The following CLCN6 variants were observed in gnomAD, a reference collection of about 807,000 sequenced individuals.
The protein encoded by CLCN6 is Cl-/H+ antiporter 6.
Under a neutral mutation model 109.8 loss-of-function variants are expected in CLCN6, and 70 were observed. The observed-to-expected ratio is 0.64, with a 90% CI of 0.53 to 0.78. The LOEUF is 0.78. Among genes scored for constraint, CLCN6 ranks in the 30% least tolerant of loss-of-function variants. CLCN6 has a pLI of 0.00. For synonymous variants in CLCN6, 444 were observed against 447.8 expected (o/e 0.99, Z 0.11); for missense variants, 984 against 1,142.3 (o/e 0.86, Z 2.00).
chr1:11,837,880 C>T lies in CLCN6; in HGVS notation c.2295+381C>T, dbSNP rs115312732. ...GTATCTTCTCTCCTTTCCCTAAGGA[C>T]GCTTGTCACCGGATTTGGGGCCCGC... On this transcript the variant is annotated intron_variant, in intron 20 of 22. Transcript: ENST00000346436. 4.2e-3 allele frequency among the ~76,000 whole-genome samples: 633 copies of T among 152,214 alleles called. 5 individuals carry two copies. The highest frequency in any genetic ancestry group is 0.014 in the African/African-American group (596 of 41,530).
rs1048332033 is a variant in CLCN6, at chr1:11,840,287, C to T, written c.*64C>T. 18 of 1,414,594 alleles carry T rather than the reference C, an allele frequency of 1.3e-5. No individual in the cohort carries two copies. Among genetic ancestry groups the T allele is most frequent in the Admixed American group, 8.4e-5 (5 of 59,774 alleles). 87.6% of individuals were successfully genotyped at this position (1,414,594 alleles called of 1,614,324 possible). A position where few individuals can be genotyped will look rare whatever the true frequency, so the allele number is the denominator to read the frequency against. ...CAAATCATGCTCACTCCGGCGGGCACAGCTGGCTGGGGCTGTTCCGGGGCA... is the reference window on the plus strand; with the variant it reads ...CAAATCATGCTCACTCCGGCGGGCATAGCTGGCTGGGGCTGTTCCGGGGCA... On this transcript the variant is annotated 3_prime_UTR_variant, in exon 23 of 23. Coordinates refer to ENST00000346436, the MANE Select transcript of CLCN6 (RefSeq NM_001286.5).
intron 5 of CLCN6, among the ~76,000 whole-genome samples, chr1:11,821,432 C>T (rs912878921): frequency 4.6e-5 from 7 of 152,052 alleles, no homozygotes. Flanking sequence ...TGGTGTGCAC[C>T]TTTAGTCCAG....
At chr1:11,809,649 G>A (rs1342713426) in intron 2 of CLCN6, among the ~76,000 whole-genome samples, 1 of 151,936 alleles carries the variant, frequency 6.6e-6, no homozygotes, top group Non-Finnish European at 1.5e-5. Context: ...GTAGAGATGG[G>A]GTTTCACCAT....
chr1:11,836,192 C>A, intron 18 of CLCN6, 39 bp downstream of exon 18: 1 of 1,577,504 alleles, frequency 6.3e-7, no homozygotes, highest in Non-Finnish European at 8.6e-7. Flanking sequence ...AGGTGAGAGA[C>A]AAGCGGTCCC....
chr1:11,833,547 AT>A lies in CLCN6; in HGVS notation c.1288del (p.Cys430ValfsTer73). On this transcript the variant is annotated frameshift_variant, in exon 14 of 23. Coordinates refer to ENST00000346436, the MANE Select transcript of CLCN6 (RefSeq NM_001286.5). LOFTEE classifies it high-confidence loss of function. ...TEDVNSSIKT[F>X]FCPNDTYNDM... ...AAGATGTGAATTCAAGTATCAAGAC[AT>A]TTTTTTGTCCCAATGATACCTACAA... 2 of 1,613,872 alleles carry A rather than the reference AT, an allele frequency of 1.2e-6. No individual in the cohort carries two copies. The highest frequency in any genetic ancestry group is 1.7e-6 in the Non-Finnish European group (2 of 1,179,898).
chr1:11,831,849 T>C (rs190028412), intron 13 of CLCN6, among the ~76,000 whole-genome samples: 1 of 152,238 alleles, frequency 6.6e-6, no homozygotes, highest in East Asian at 1.9e-4. Context: ...ACATCCAGCT[T>C]ATTTTTATAG....
chr1:11,834,417 C>A lies in CLCN6; in HGVS notation c.1686+22C>A, dbSNP rs200484706. The A allele has an allele frequency of 9.9e-6, 16 of 1,612,942 alleles. No individual in the cohort carries two copies. The East Asian group carries it at 3.3e-4, about 34-fold the overall frequency. On this transcript the variant is annotated intron_variant, in intron 16 of 22. Transcript: ENST00000346436. The surrounding 1 kb of genome is among the most constrained non-coding windows in gnomAD (Gnocchi z 4.5). ...GATGGTGAGCACACTCCCTCCAGGC[C>A]CCTGTCAGGCTCAGGGCCACGTCCG...
intron 5 of CLCN6, among the ~76,000 whole-genome samples, chr1:11,821,904 C>A (rs7552534): frequency 6.6e-6 from 1 of 151,960 alleles, no homozygotes; most frequent in Non-Finnish European, 1.5e-5. Context: ...TGAAAGTGAA[C>A]GAACCACAGA....
chr1:11,837,447 C>A lies in CLCN6; in HGVS notation c.2243C>A (p.Ser748Ter). 1.9e-6 allele frequency: 3 copies of A among 1,614,100 alleles called. No homozygotes were observed. The highest frequency in any genetic ancestry group is 2.5e-6 in the Non-Finnish European group (3 of 1,180,000). Residue 748 changes from serine to a stop codon, truncating the protein, a stop_gained, in exon 20 of 23, where the codon TCG becomes TAG. Transcript: ENST00000346436. LOFTEE classifies it high-confidence loss of function. ...ACCTTCCACGGCCTGATCCTTCGGT[C>A]GCAGCTTGTCACCCTGCTTGTCCGA... ...PLTFHGLILR[S>*]QLVTLLVRGV... is the part of the protein sequence containing the mutation.
chr1:11,808,777 A>G (rs1237705135), intron 2 of CLCN6, among the ~76,000 whole-genome samples: 2 of 151,600 alleles, frequency 1.3e-5, no homozygotes, highest in African/African-American at 2.4e-5. Flanking sequence ...TGTATAGTTT[A>G]ATATGCTACT....
At chr1:11,837,295 C>T (rs767770675) in intron 19 of CLCN6, 48 bp from the exon 20 acceptor site, 15 of 1,592,366 alleles carry the variant, frequency 9.4e-6, no homozygotes, top group South Asian at 4.5e-5. Flanking sequence ...GGATCAGAAG[C>T]GCTCCCGCTG....
chr1:11,818,953 G>A (rs1644707578), intron 4 of CLCN6, among the ~76,000 whole-genome samples: 1 of 152,200 alleles, frequency 6.6e-6, no homozygotes, highest in African/African-American at 2.4e-5. Context: ...AATAGAACCT[G>A]CTAATAAGGA....
chr1:11,813,671 GTGA>G (rs1334087053), intron 2 of CLCN6, among the ~76,000 whole-genome samples: 3 of 152,144 alleles, frequency 2.0e-5, no homozygotes, highest in African/African-American at 7.2e-5. Flanking sequence ...AATTACAGAC[GTGA>G]GCCATCACGC....
chr1:11,837,577 G>A, intron 20 of CLCN6, 78 bp downstream of exon 20: 2 of 1,435,292 alleles, frequency 1.4e-6, no homozygotes, highest in Non-Finnish European at 1.9e-6. Context: ...GGCGGGCCGT[G>A]AACAGTGCCA....
Position 11,834,665 on chromosome 1 carries a change from G to A in CLCN6, c.1793+75G>A, listed in dbSNP as rs1318340922. ...GAGGCCTAAGGAATGTTGTTATTAG[G>A]GTAGGAAACAGTAACTCACTTTTCT... is the stretch of plus-strand genomic sequence containing the variant. On this transcript the variant is annotated intron_variant, in intron 17 of 22. Coordinates refer to ENST00000346436, the MANE Select transcript of CLCN6 (RefSeq NM_001286.5). This position sits in a 1 kb window ranked among gnomAD's most constrained non-coding sequence, Gnocchi z 4.5. 9.6e-6 allele frequency: 12 copies of A among 1,248,288 alleles called. No individual in the cohort carries two copies. Among genetic ancestry groups the A allele is most frequent in the Non-Finnish European group, 1.4e-5 (12 of 864,104 alleles). The allele number at this position is 1,248,288 out of a possible 1,614,324, so 77.3% of individuals were successfully genotyped here.
In CLCN6 at chr1:11,815,759, C is replaced by T. The variant is rs1486892409; in HGVS notation, c.148-87C>T. 6 of 986,876 alleles carry T rather than the reference C, an allele frequency of 6.1e-6. No individual in the cohort carries two copies. In the East Asian group the frequency reaches 7.2e-5, roughly 12 times the overall value. The allele number at this position is 986,876 out of a possible 1,614,324, so 61.1% of individuals were successfully genotyped here. On this transcript the variant is annotated intron_variant, in intron 2 of 22. Coordinates refer to ENST00000346436, the MANE Select transcript of CLCN6 (RefSeq NM_001286.5). ...GGTACCACTGCTCTGCCCATCCACA[C>T]GTTGAGTAGCAGGAACCCAGAGGTT...
Position 11,822,787 on chromosome 1 carries a change from C to G in CLCN6, c.439C>G (p.Leu147Val), listed in dbSNP as rs767942422. The G allele has an allele frequency of 4.3e-6, 7 of 1,612,766 alleles. No homozygotes were observed. Among genetic ancestry groups the G allele is most frequent in the Non-Finnish European group, 4.2e-6 (5 of 1,178,856 alleles). Residue 147 changes from leucine to valine, a missense_variant, in exon 6 of 23, where the codon CTT (leucine) becomes GTT (valine). Physicochemically the swap from Leu to Val is conservative, Grantham distance 32. Coordinates refer to ENST00000346436, the MANE Select transcript of CLCN6 (RefSeq NM_001286.5). ...NLTFVFLASL[L>V]VLIEPVAAGS... ...CACCTTTGTCTTCCTGGCAAGCCTCCTTGTTCTCATTGAGGTGAGGTGGTT... is the reference window on the plus strand; with the variant it reads ...CACCTTTGTCTTCCTGGCAAGCCTCGTTGTTCTCATTGAGGTGAGGTGGTT...
chr1:11,838,637 C>A lies in CLCN6; in HGVS notation c.2506C>A (p.Pro836Thr), dbSNP rs1421407967. 1 of 1,614,236 alleles carries A rather than the reference C, an allele frequency of 6.2e-7. No individual in the cohort carries two copies. Among genetic ancestry groups the A allele is most frequent in the Non-Finnish European group, 8.5e-7 (1 of 1,180,044 alleles). The change falls in exon 22 of 23, where the codon CCC becomes ACC. Residue 836 changes from proline (P) to threonine (T), a missense_variant. By Grantham distance (38) the Pro-to-Thr change is conservative (BLOSUM62 -1). Transcript: ENST00000346436. Reference protein sequence around the residue: ...LFRTMGLRHLPVVNAVGEIVG... With the variant: ...LFRTMGLRHLTVVNAVGEIVG... ...CAGAACGATGGGCCTGCGCCACCTG[C>A]CCGTGGTGAACGCTGTGGGAGAGGT...
chr1:11,815,718 C>T, intron 2 of CLCN6, 128 bp from the exon 3 acceptor site: 1 of 702,544 alleles, frequency 1.4e-6, no homozygotes, highest in Non-Finnish European at 2.5e-6. Context: ...TGAACCAGCT[C>T]CTCCTGGGTG....
Sources: allele counts gnomAD v4.1 joint callset (sites outside exome capture counted in the v4.1 genomes callset), GRCh38; gene constraint gnomAD v4.1.1; non-coding constraint Gnocchi (gnomAD v3.1); transcripts MANE v1.5; gene names NCBI Gene and HGNC (gene_info 2026-07-23, HGNC 2026-07-21).